The following MSI2 variants were observed in gnomAD, a reference collection of about 807,000 sequenced individuals.
The protein encoded by MSI2 is musashi RNA binding protein 2, also known as RNA-binding protein Musashi homolog 2.
MSI2 carries 17 observed loss-of-function variants against 45.6 expected under a neutral mutation model. The observed-to-expected ratio is 0.37, with a 90% confidence interval of 0.26 to 0.56. The LOEUF (loss-of-function observed/expected upper bound fraction) is 0.56, where lower values mean the gene tolerates loss of function less well. Ranked by LOEUF, MSI2 falls within the 20% of genes least tolerant of loss-of-function variation. The pLI, the probability that MSI2 is intolerant of heterozygous loss-of-function variation, is 0.77. For missense variants in MSI2, 293 were observed against 444.2 expected (o/e 0.66, Z 3.06); for synonymous variants, 156 against 158.2 (o/e 0.99, Z 0.11).
At chr17:57,420,478 C>A (rs1000391677) in intron 6 of MSI2, among the ~76,000 whole-genome samples, 31 of 152,190 alleles carry the variant, frequency 2.0e-4, no homozygotes, top group African/African-American at 7.2e-4. Flanking sequence ...TGTCCATAGC[C>A]ATGTTTCAAA....
intron 6 of MSI2, among the ~76,000 whole-genome samples, chr17:57,498,406 A>G (rs758685678): frequency 2.9e-4 from 44 of 152,354 alleles, no homozygotes; most frequent in Middle Eastern, 6.8e-3. Context: ...TACCATCTCA[A>G]TTTGCTCCCA....
At chr17:57,467,390 G>A (rs1013018030) in intron 6 of MSI2, among the ~76,000 whole-genome samples, 3 of 152,224 alleles carry the variant, frequency 2.0e-5, no homozygotes, top group African/African-American at 7.2e-5. Flanking sequence ...AAGGACAGAT[G>A]CACGGATAGA....
intron 10 of MSI2, chr17:57,631,997 G>A (rs1909421445): frequency 7.1e-7 from 1 of 1,406,576 alleles, no homozygotes; most frequent in African/African-American, 1.5e-5. Context: ...TTGGACTCAT[G>A]TCCTCATTGC....
At chr17:57,377,192 C>T (rs188441016) in intron 5 of MSI2, among the ~76,000 whole-genome samples, 376 of 152,212 alleles carry the variant, frequency 2.5e-3, no homozygotes, top group Admixed American at 3.7e-3. Flanking sequence ...AGTGCTGGGA[C>T]CACAGGCGTG....
Position 57,611,342 on chromosome 17 carries a change from G to A in MSI2, c.538-4628G>A, listed in dbSNP as rs901664938. On this transcript the variant is annotated intron_variant, in intron 8 of 13. Coordinates refer to ENST00000284073, the MANE Select transcript of MSI2 (RefSeq NM_138962.4). ...GCCTGTGTGGGGCTACAGTGGGAAG[G>A]GAGCCCCCGTGCCCTGCCCTCTGCC... Among the ~76,000 whole-genome samples the A allele has an allele frequency of 5.2e-5, 5 of 95,772 alleles. 2 individuals are homozygous for A. The highest frequency in any genetic ancestry group is 1.6e-4 in the African/African-American group (5 of 30,874). 62.8% of individuals were successfully genotyped at this position (95,772 alleles called of 152,430 possible).
At position 57,530,116 on chromosome 17, in the gene MSI2, G is replaced by C. The variant is rs568128412; in HGVS notation, c.454+392G>C. The stretch of plus-strand genomic sequence containing the variant: ...GAAGGAGGTTCTTTAGGAGCAGACT[G>C]TCAATCTAAAGAGCCAAAAAATCAA... On this transcript the variant is annotated intron_variant, in intron 7 of 13. Coordinates refer to ENST00000284073, the MANE Select transcript of MSI2 (RefSeq NM_138962.4). 2.6e-5 allele frequency among the ~76,000 whole-genome samples: 4 copies of C among 152,312 alleles called. No homozygotes were observed. In the South Asian group the frequency reaches 6.2e-4, roughly 24 times the overall value.
At chr17:57,589,804 C>T (rs1048299283) in intron 7 of MSI2, among the ~76,000 whole-genome samples, 11 of 152,184 alleles carry the variant, frequency 7.2e-5, no homozygotes, top group East Asian at 5.8e-4. Context: ...TCTGGTTTAG[C>T]GGCCATGTCA....
At chr17:57,446,447 A>G (rs1031864815) in intron 6 of MSI2, among the ~76,000 whole-genome samples, 19 of 152,344 alleles carry the variant, frequency 1.2e-4, no homozygotes, top group African/African-American at 4.3e-4. Context: ...ACTGCAAGCA[A>G]AACAGTGGGA....
intron 5 of MSI2, among the ~76,000 whole-genome samples, chr17:57,277,471 C>G (rs1192429146): frequency 6.6e-6 from 1 of 152,148 alleles, no homozygotes; most frequent in African/African-American, 2.4e-5. Context: ...GTCTCTTAGC[C>G]CAATGCTGAT....
At chr17:57,542,608 C>T (rs944752572) in intron 7 of MSI2, among the ~76,000 whole-genome samples, 2 of 152,222 alleles carry the variant, frequency 1.3e-5, no homozygotes, top group South Asian at 4.1e-4. Flanking sequence ...AGATGGAGCC[C>T]TGGCATTGGT....
intron 6 of MSI2, among the ~76,000 whole-genome samples, chr17:57,471,022 C>G (rs549541368): frequency 6.6e-5 from 10 of 152,314 alleles, no homozygotes; most frequent in African/African-American, 2.4e-4. Flanking sequence ...TTGGCTCTGC[C>G]CAAGGTTGCT....
chr17:57,514,786 C>G (rs753758314), intron 6 of MSI2, among the ~76,000 whole-genome samples: 2 of 151,008 alleles, frequency 1.3e-5, no homozygotes, highest in Non-Finnish European at 2.9e-5. Context: ...TTACAAAGAT[C>G]TGAGTCATGA....
At chr17:57,558,208 T>A (rs534465296) in intron 7 of MSI2, among the ~76,000 whole-genome samples, 2 of 152,274 alleles carry the variant, frequency 1.3e-5, no homozygotes, top group East Asian at 3.9e-4. Context: ...ATTAGGCGCC[T>A]CTGTAATTGC....
chr17:57,450,595 C>T (rs2084998367), intron 6 of MSI2, among the ~76,000 whole-genome samples: 2 of 138,054 alleles, frequency 1.4e-5, no homozygotes, highest in Admixed American at 8.2e-5. Flanking sequence ...CGCTTGAACT[C>T]GGGAGGTAGA....
intron 11 of MSI2, among the ~76,000 whole-genome samples, chr17:57,670,946 C>G (rs1369922147): frequency 6.6e-6 from 1 of 152,162 alleles, no homozygotes; most frequent in Non-Finnish European, 1.5e-5. Context: ...CAGATGAGGA[C>G]TTGGGCTTGT....
intron 8 of MSI2, among the ~76,000 whole-genome samples, chr17:57,609,054 G>A (rs1347412538): frequency 6.6e-6 from 1 of 152,184 alleles, no homozygotes. Context: ...AGCAAGATGT[G>A]TGTAGCTGTC....
At chr17:57,649,934 C>T (rs531313609) in intron 10 of MSI2, among the ~76,000 whole-genome samples, 65 of 152,304 alleles carry the variant, frequency 4.3e-4, no homozygotes, top group Non-Finnish European at 4.6e-4. Context: ...GCTGCCCGTG[C>T]TGTGTGAGGG....
chr17:57,637,512 T>G (rs1436798482), intron 10 of MSI2, among the ~76,000 whole-genome samples: 2 of 152,208 alleles, frequency 1.3e-5, no homozygotes, highest in Admixed American at 1.3e-4. Flanking sequence ...GAAGCTCCTC[T>G]GCATAAATAA....
chr17:57,291,458 T>G (rs918735909), intron 5 of MSI2, among the ~76,000 whole-genome samples: 1 of 152,142 alleles, frequency 6.6e-6, no homozygotes, highest in Non-Finnish European at 1.5e-5. Flanking sequence ...TAAAGTTGAT[T>G]TATTGCACAT....
Sources: allele counts gnomAD v4.1 joint callset (sites outside exome capture counted in the v4.1 genomes callset), GRCh38; gene constraint gnomAD v4.1.1; transcripts MANE v1.5; gene names NCBI Gene and HGNC (gene_info 2026-07-23, HGNC 2026-07-21).